The following SHLD1 variants were observed in gnomAD, a reference collection of about 807,000 sequenced individuals.
SHLD1 encodes RINN1-REV7-interacting novel NHEJ regulator 3.
Under a neutral mutation model 5.5 loss-of-function variants are expected in SHLD1, and 3 were observed. That is an observed-to-expected ratio of 0.54 (90% CI 0.25 to 1.40). The LOEUF (loss-of-function observed/expected upper bound fraction) is 1.40, where lower values mean the gene tolerates loss of function less well. Among genes scored for constraint, SHLD1 ranks in the 40% most tolerant of loss-of-function variants. SHLD1 has a pLI of 0.15. For missense variants in SHLD1, 210 were observed against 244.4 expected (o/e 0.86, Z 0.94); for synonymous variants, 92 against 94.3 (o/e 0.98, Z 0.14).
At chr20:5,758,538 C>T (rs905073063) in intron 1 of SHLD1, among the ~76,000 whole-genome samples, 9 of 151,840 alleles carry the variant, frequency 5.9e-5, no homozygotes, top group African/African-American at 2.2e-4. Context: ...CCTGCCTCAG[C>T]CTTCCGAGTA....
rs981060257 is a variant in SHLD1, at chr20:5,863,089, G to A, written c.244G>A (p.Ala82Thr). 4.3e-6 allele frequency: 7 copies of A among 1,614,056 alleles called. No individual in the cohort carries two copies. In the Admixed American group the frequency reaches 8.3e-5, roughly 19 times the overall value. ...CGCTGAGAACTTCTGGCTTGACCCT[G>A]CTGTGAAAGGCCAGTCAGAGAAGGA... ...WTAENFWLDP[A>T]VKGQSEKEED... The change falls in exon 3 of 3, where the codon GCT becomes ACT. Residue 82 changes from alanine to threonine, a missense_variant. Transcript: ENST00000303142.
chr20:5,863,993 A>G lies in SHLD1; in HGVS notation c.*530A>G. 6.6e-6 allele frequency: 1 copy of G among 151,508 alleles called. No individual in the cohort carries two copies. The highest frequency in any genetic ancestry group is 1.5e-5 in the Non-Finnish European group (1 of 67,862). The allele number at this position is 151,508 out of a possible 1,614,324, so 9.4% of individuals were successfully genotyped here. Reference sequence around the variant, plus strand: ...TGAGATGAGGTTTTAGAAGGATACAAAGCTCTACACCGAATCAGGTATAAG... The same window carrying G: ...TGAGATGAGGTTTTAGAAGGATACAGAGCTCTACACCGAATCAGGTATAAG... On this transcript the variant is annotated 3_prime_UTR_variant, in exon 3 of 3. Transcript: ENST00000303142.
intron 2 of SHLD1, among the ~76,000 whole-genome samples, chr20:5,837,518 A>G (rs974132889): frequency 2.2e-5 from 3 of 134,902 alleles, no homozygotes; most frequent in Non-Finnish European, 4.7e-5. Flanking sequence ...CCATGTGCCC[A>G]TGTGTTCTCA....
chr20:5,777,075 A>G (rs1300037175), intron 2 of SHLD1, among the ~76,000 whole-genome samples: 1 of 150,598 alleles, frequency 6.6e-6, no homozygotes, highest in Non-Finnish European at 1.5e-5. Context: ...TGCAACCTCC[A>G]CCTCCCTGGT....
intron 2 of SHLD1, among the ~76,000 whole-genome samples, chr20:5,784,934 G>A (rs62203879): frequency 6.6e-6 from 1 of 152,172 alleles, no homozygotes; most frequent in Non-Finnish European, 1.5e-5. Flanking sequence ...CCATGTTACT[G>A]TCTCAAGCCA....
chr20:5,860,258 C>G (rs772828384), intron 2 of SHLD1, among the ~76,000 whole-genome samples: 27 of 152,216 alleles, frequency 1.8e-4, no homozygotes, highest in Non-Finnish European at 3.1e-4. Context: ...ATTACCCAAG[C>G]TAAGGCTTCT....
At chr20:5,837,404 C>T (rs556378308) in intron 2 of SHLD1, among the ~76,000 whole-genome samples, 2 of 152,296 alleles carry the variant, frequency 1.3e-5, no homozygotes, top group East Asian at 3.9e-4. Flanking sequence ...ATCATCCCAT[C>T]ACCTAGGTGT....
intron 2 of SHLD1, among the ~76,000 whole-genome samples, chr20:5,783,187 T>G (rs1368853528): frequency 6.6e-6 from 1 of 152,180 alleles, no homozygotes. Flanking sequence ...TGGCAGTGCT[T>G]CTCTGCTTTT....
At chr20:5,862,944 A>C in intron 2 of SHLD1, 80 bp from the exon 3 acceptor site, 1 of 1,261,086 alleles carries the variant, frequency 7.9e-7, no homozygotes, top group African/African-American at 1.5e-5. Flanking sequence ...TGAACTGAAA[A>C]TAGACATCAT....
At chr20:5,784,694 C>A (rs1356901887) in intron 2 of SHLD1, among the ~76,000 whole-genome samples, 2 of 152,316 alleles carry the variant, frequency 1.3e-5, no homozygotes, top group Non-Finnish European at 2.9e-5. Flanking sequence ...TTGTGATCCG[C>A]CCGCCTCAGC....
At chr20:5,835,660 C>T (rs1426828748) in intron 2 of SHLD1, among the ~76,000 whole-genome samples, 1 of 152,162 alleles carries the variant, frequency 6.6e-6, no homozygotes. Context: ...TGGAGGAGCA[C>T]AGATGGCCTT....
At chr20:5,832,407 T>C (rs1406865841) in intron 2 of SHLD1, among the ~76,000 whole-genome samples, 1 of 152,244 alleles carries the variant, frequency 6.6e-6, no homozygotes, top group Non-Finnish European at 1.5e-5. Context: ...CACGTCTTGC[T>C]GGAAAATAGT....
At chr20:5,820,731 C>G (rs2122410597) in intron 2 of SHLD1, among the ~76,000 whole-genome samples, 1 of 152,368 alleles carries the variant, frequency 6.6e-6, no homozygotes, top group African/African-American at 2.4e-5. Flanking sequence ...TACTGTCTCA[C>G]AGGGAAAAGT....
chr20:5,788,407 T>C (rs1171941327), intron 2 of SHLD1, among the ~76,000 whole-genome samples: 4 of 152,164 alleles, frequency 2.6e-5, no homozygotes, highest in Non-Finnish European at 5.9e-5. Context: ...ATTTTAGAAG[T>C]TGAGTTTGAG....
At chr20:5,841,353 A>C (rs1449235438) in intron 2 of SHLD1, among the ~76,000 whole-genome samples, 1 of 152,164 alleles carries the variant, frequency 6.6e-6, no homozygotes, top group Non-Finnish European at 1.5e-5. Context: ...AATATAGAAA[A>C]ACAGAAATTT....
intron 2 of SHLD1, among the ~76,000 whole-genome samples, chr20:5,858,446 A>C (rs142096368): frequency 1.1e-4 from 17 of 152,198 alleles, no homozygotes; most frequent in African/African-American, 4.1e-4. Context: ...ACAACTATTA[A>C]TCTCAAGTGC....
rs141522600 is a variant in SHLD1 at position 5,751,702 on chromosome 20, G to A, written c.-5+1223G>A. ...AAAACTCTGTAAACTATTTTAAAGC[G>A]GTTTATTCTGAGCCAGTATGATTGA... On this transcript the variant is annotated intron_variant, in intron 1 of 2. Transcript: ENST00000303142. 3.7e-3 allele frequency among the ~76,000 whole-genome samples: 565 copies of A among 152,202 alleles called. 2 individuals are homozygous for A. Among genetic ancestry groups the A allele is most frequent in the Non-Finnish European group, 5.7e-3 (386 of 68,014 alleles).
At chr20:5,796,645 G>A (rs554909977) in intron 2 of SHLD1, among the ~76,000 whole-genome samples, 2 of 151,940 alleles carry the variant, frequency 1.3e-5, no homozygotes, top group Admixed American at 6.6e-5. Flanking sequence ...TGGGCAACAT[G>A]GAGAAACCCC....
intron 1 of SHLD1, among the ~76,000 whole-genome samples, chr20:5,763,044 C>T (rs1408895617): frequency 8.6e-5 from 13 of 151,570 alleles, no homozygotes; most frequent in Admixed American, 3.9e-4. Flanking sequence ...CAGTGGCTCA[C>T]GCCTATAATC....
Sources: allele counts gnomAD v4.1 joint callset (sites outside exome capture counted in the v4.1 genomes callset), GRCh38; gene constraint gnomAD v4.1.1; transcripts MANE v1.5; gene names NCBI Gene and HGNC (gene_info 2026-07-23, HGNC 2026-07-21).